The following GUCY1A1 variants were observed in gnomAD, a reference collection of about 807,000 sequenced individuals.
The protein encoded by GUCY1A1 is guanylate cyclase 1 soluble subunit alpha 1, also known as guanylate cyclase soluble subunit alpha-1.
In GUCY1A1, 48 loss-of-function variants were observed where a neutral mutation model predicts 64.5. The ratio of observed to expected loss-of-function variants is 0.74; its 90% CI spans 0.59 to 0.95. The LOEUF is 0.95. Among genes scored for constraint, GUCY1A1 ranks in the 40% least tolerant of loss-of-function variants. GUCY1A1 has a pLI of 0.00. For missense variants in GUCY1A1, 804 were observed against 825.3 expected (o/e 0.97, Z 0.32); for synonymous variants, 308 against 303.4 (o/e 1.02, Z -0.16).
chr4:155,721,924 G>A (rs1046890688), intron 8 of GUCY1A1, 114 bp from the exon 9 acceptor site: 2 of 749,910 alleles, frequency 2.7e-6, no homozygotes, highest in African/African-American at 3.5e-5. Context: ...TTGAGGAAAG[G>A]GGTGGTGTCC....
rs182372638 is a variant in GUCY1A1, at chr4:155,733,374, G to T, written c.*3143G>T. Among the ~76,000 whole-genome samples the T allele has an allele frequency of 5.3e-5, 8 of 151,830 alleles. No homozygotes were observed. In the East Asian group the frequency reaches 1.6e-3, roughly 30 times the overall value. ...CACAAAGAGATGGGGTCTTGAGGGT[G>T]CATAGTACATTCTGGACAGCCAGTT... On this transcript the variant is annotated 3_prime_UTR_variant, in exon 10 of 10. Coordinates refer to ENST00000506455, the MANE Select transcript of GUCY1A1 (RefSeq NM_001130682.3).
At chr4:155,683,941 G>A (rs1016106861) in intron 2 of GUCY1A1, among the ~76,000 whole-genome samples, 5 of 152,098 alleles carry the variant, frequency 3.3e-5, no homozygotes, top group Admixed American at 1.3e-4. Flanking sequence ...AGGGTATATT[G>A]GGTGAACTCA....
chr4:155,673,248 AT>A (rs1734402924), intron 2 of GUCY1A1, among the ~76,000 whole-genome samples: 1 of 151,480 alleles, frequency 6.6e-6, no homozygotes, highest in Admixed American at 6.6e-5. Flanking sequence ...AATAAAGTTT[AT>A]TATGGATTAT....
chr4:155,729,155 G>A (rs1735179617), intron 9 of GUCY1A1, among the ~76,000 whole-genome samples: 1 of 151,746 alleles, frequency 6.6e-6, no homozygotes, highest in Non-Finnish European at 1.5e-5. Flanking sequence ...CTAGTGAGTA[G>A]AAGACCATGG....
chr4:155,733,883 T>C lies in GUCY1A1; in HGVS notation c.*3652T>C, dbSNP rs1735800791. ...AGGTGACTGAATGAACATCTGTTTA[T>C]ACATCAAGGGAAAATGATTCATTTT... On this transcript the variant is annotated 3_prime_UTR_variant, in exon 10 of 10. Coordinates refer to ENST00000506455, the MANE Select transcript of GUCY1A1 (RefSeq NM_001130682.3). 1.3e-5 allele frequency among the ~76,000 whole-genome samples: 2 copies of C among 151,840 alleles called. No homozygotes were observed. The highest frequency in any genetic ancestry group is 4.8e-5 in the African/African-American group (2 of 41,396).
At position 155,686,467 on chromosome 4, in the gene GUCY1A1, C is replaced by T. The variant is rs74649720; in HGVS notation, c.-112-10289C>T. Among the ~76,000 whole-genome samples the T allele has an allele frequency of 2.1e-4, 32 of 152,252 alleles. No individual in the cohort carries two copies. The East Asian group carries it at 5.2e-3, about 25-fold the overall frequency. The stretch of plus-strand genomic sequence containing the variant: ...CTGCACTCCAGCCTGGGCTACAGAG[C>T]GAGACTCCGTCTCAAAAAAAAGAAT... On this transcript the variant is annotated intron_variant, in intron 2 of 9. Coordinates refer to ENST00000506455, the MANE Select transcript of GUCY1A1 (RefSeq NM_001130682.3).
chr4:155,726,041 C>A (rs1459023194), intron 9 of GUCY1A1, among the ~76,000 whole-genome samples: 2 of 151,968 alleles, frequency 1.3e-5, no homozygotes, highest in Non-Finnish European at 2.9e-5. Flanking sequence ...CGTTTATATA[C>A]ACATGCATGA....
rs1735981700 is a variant in GUCY1A1, at chr4:155,735,650, A to G, written c.*5419A>G. On this transcript the variant is annotated 3_prime_UTR_variant, in exon 10 of 10. Transcript: ENST00000506455. Reference sequence around the variant, plus strand: ...TTGCATAATGCCCAAATCTTGAAGTATCTGCTCAGATGTTTGTTCCATCTG... The same window carrying G: ...TTGCATAATGCCCAAATCTTGAAGTGTCTGCTCAGATGTTTGTTCCATCTG... 1 of 152,016 alleles carries G rather than the reference A, an allele frequency of 6.6e-6. No individual in the cohort carries two copies. Among genetic ancestry groups the G allele is most frequent in the Admixed American group, 6.6e-5 (1 of 15,226 alleles). 9.4% of individuals were successfully genotyped at this position (152,016 alleles called of 1,614,324 possible). A position where few individuals can be genotyped will look rare whatever the true frequency, so the allele number is the denominator to read the frequency against.
At chr4:155,717,126 T>G in intron 7 of GUCY1A1, 33 bp from the exon 8 acceptor site, 1 of 1,343,436 alleles carries the variant, frequency 7.4e-7, no homozygotes, top group Non-Finnish European at 9.8e-7. Flanking sequence ...TCCTGAGCAT[T>G]TATTTATAGT....
At chr4:155,714,583 T>C (rs1303121076) in intron 7 of GUCY1A1, among the ~76,000 whole-genome samples, 2 of 152,232 alleles carry the variant, frequency 1.3e-5, no homozygotes, top group East Asian at 3.8e-4. Flanking sequence ...GTATTTCTCA[T>C]TTGTATGGCT....
At position 155,735,750 on chromosome 4, in the gene GUCY1A1, CA is replaced by C. The variant is rs1735993416; in HGVS notation, c.*5523del. ...CAGAGAAAGTGAAAACAAAACAAAG[CA>C]AAACAAAAATGCTATTACAGAAGTT... On this transcript the variant is annotated 3_prime_UTR_variant, in exon 10 of 10. Coordinates refer to ENST00000506455, the MANE Select transcript of GUCY1A1 (RefSeq NM_001130682.3). 1 of 151,800 alleles carries C rather than the reference CA, an allele frequency of 6.6e-6. No homozygotes were observed. The highest frequency in any genetic ancestry group is 1.5e-5 in the Non-Finnish European group (1 of 67,910). 9.4% of individuals were successfully genotyped at this position (151,800 alleles called of 1,614,324 possible). A position where few individuals can be genotyped will look rare whatever the true frequency, so the allele number is the denominator to read the frequency against.
rs1006343345 is a variant in GUCY1A1, at chr4:155,731,135, T to C, written c.*904T>C. Reference sequence around the variant, plus strand: ...TCCAGGGGACCCACCATAAAGGACATTGGTAAAACATTTACACACGTAAAC... The same window carrying C: ...TCCAGGGGACCCACCATAAAGGACACTGGTAAAACATTTACACACGTAAAC... On this transcript the variant is annotated 3_prime_UTR_variant, in exon 10 of 10. Transcript: ENST00000506455. 6.6e-6 allele frequency: 1 copy of C among 152,466 alleles called. No homozygotes were observed. The highest frequency in any genetic ancestry group is 6.6e-5 in the Admixed American group (1 of 15,200). 9.4% of individuals were successfully genotyped at this position (152,466 alleles called of 1,614,324 possible).
At chr4:155,712,419 T>C (rs1388070449) in intron 6 of GUCY1A1, among the ~76,000 whole-genome samples, 1 of 152,174 alleles carries the variant, frequency 6.6e-6, no homozygotes, top group Non-Finnish European at 1.5e-5. Flanking sequence ...ACTAGTACCC[T>C]ACTGAAGGAT....
intron 4 of GUCY1A1, among the ~76,000 whole-genome samples, chr4:155,706,133 AT>A (rs1281996801): frequency 6.6e-6 from 1 of 152,094 alleles, no homozygotes; most frequent in Non-Finnish European, 1.5e-5. Context: ...AACAATAATT[AT>A]TTTTTTGAAA....
chr4:155,702,261 A>G (rs1731188151), intron 3 of GUCY1A1, among the ~76,000 whole-genome samples: 1 of 152,194 alleles, frequency 6.6e-6, no homozygotes, highest in Admixed American at 6.5e-5. Flanking sequence ...TTCTTTTTTC[A>G]TATGAATGTA....
intron 8 of GUCY1A1, among the ~76,000 whole-genome samples, chr4:155,719,464 C>T (rs1733682713): frequency 6.6e-6 from 1 of 152,158 alleles, no homozygotes; most frequent in African/African-American, 2.4e-5. Context: ...GCAGTCAAGT[C>T]TCCTATGTGT....
intron 3 of GUCY1A1, among the ~76,000 whole-genome samples, chr4:155,701,918 G>A (rs989907662): frequency 6.6e-6 from 1 of 151,906 alleles, no homozygotes; most frequent in African/African-American, 2.4e-5. Flanking sequence ...AACAAGCTAA[G>A]AGAGTAACAC....
At chr4:155,684,312 A>C (rs1283120177) in intron 2 of GUCY1A1, among the ~76,000 whole-genome samples, 1 of 152,168 alleles carries the variant, frequency 6.6e-6, no homozygotes, top group African/African-American at 2.4e-5. Flanking sequence ...CAGAAGTCCA[A>C]ATTCATTTCT....
chr4:155,719,019 A>T (rs1733628004), intron 8 of GUCY1A1, among the ~76,000 whole-genome samples: 1 of 152,184 alleles, frequency 6.6e-6, no homozygotes, highest in Admixed American at 6.6e-5. Context: ...TGTAAATGTT[A>T]AAAATATCTA....
Sources: allele counts gnomAD v4.1 joint callset (sites outside exome capture counted in the v4.1 genomes callset), GRCh38; gene constraint gnomAD v4.1.1; transcripts MANE v1.5; gene names NCBI Gene and HGNC (gene_info 2026-07-23, HGNC 2026-07-21).